The following PPP2R2B variants were observed in gnomAD, a reference collection of about 807,000 sequenced individuals.
The protein encoded by PPP2R2B is serine/threonine-protein phosphatase 2A 55 kDa regulatory subunit B beta isoform.
Under a neutral mutation model 46.0 loss-of-function variants are expected in PPP2R2B, and 5 were observed. The observed-to-expected ratio is 0.11, with a 90% CI of 0.06 to 0.23. PPP2R2B has a LOEUF of 0.23. Ranked by LOEUF, PPP2R2B falls within the 10% of genes least tolerant of loss-of-function variation. The pLI is 1.00. For synonymous variants in PPP2R2B, 215 were observed against 206.7 expected (o/e 1.04, Z -0.34); for missense variants, 367 against 575.0 (o/e 0.64, Z 3.70).
At chr5:146,705,910 T>C (rs1779807303) in intron 2 of PPP2R2B, among the ~76,000 whole-genome samples, 1 of 151,932 alleles carries the variant, frequency 6.6e-6, no homozygotes, top group African/African-American at 2.4e-5. Flanking sequence ...CAAAGTGTTT[T>C]CATTTCAGAA....
intron 8 of PPP2R2B, among the ~76,000 whole-genome samples, chr5:146,596,157 T>C (rs1771150882): frequency 6.6e-6 from 1 of 152,156 alleles, no homozygotes; most frequent in South Asian, 2.1e-4. Flanking sequence ...CTTAATAAAA[T>C]TTACCTACAA....
chr5:146,920,258 A>T (rs1467169036), intron 1 of PPP2R2B, among the ~76,000 whole-genome samples: 2 of 152,198 alleles, frequency 1.3e-5, no homozygotes, highest in Non-Finnish European at 2.9e-5. Context: ...GTTGCATCAT[A>T]GTTGCTCCCG....
chr5:146,799,934 C>T (rs2151304062), intron 2 of PPP2R2B, among the ~76,000 whole-genome samples: 1 of 152,100 alleles, frequency 6.6e-6, no homozygotes, highest in Admixed American at 6.5e-5. Flanking sequence ...CTCCATGGTA[C>T]TTCTCATTAG....
upstream of PPP2R2B, among the ~76,000 whole-genome samples, chr5:146,883,122 TGTCAGACA>T (rs1360782739): frequency 6.6e-6 from 1 of 152,230 alleles, no homozygotes; most frequent in Non-Finnish European, 1.5e-5. Flanking sequence ...AGGCTTTAGG[TGTCAGACA>T]GTCCTGGTTT....
chr5:146,785,267 C>T (rs1755764751), intron 2 of PPP2R2B, among the ~76,000 whole-genome samples: 1 of 152,110 alleles, frequency 6.6e-6, no homozygotes, highest in Non-Finnish European at 1.5e-5. Context: ...AAATAGCTGG[C>T]CAGGCACCGT....
chr5:146,947,730 C>T (rs1442262623), intron 1 of PPP2R2B, among the ~76,000 whole-genome samples: 3 of 151,902 alleles, frequency 2.0e-5, no homozygotes, highest in African/African-American at 4.8e-5. Flanking sequence ...ACCTTTCTCA[C>T]CACTGTCCTT....
intron 2 of PPP2R2B, among the ~76,000 whole-genome samples, chr5:146,776,082 C>T (rs1472318365): frequency 6.6e-6 from 1 of 152,078 alleles, no homozygotes; most frequent in East Asian, 1.9e-4. Flanking sequence ...AAGTGACACA[C>T]AGATTCAATG....
chr5:147,077,901 C>T (rs907332838), intron 2 of PPP2R2B, among the ~76,000 whole-genome samples: 2 of 152,172 alleles, frequency 1.3e-5, no homozygotes, highest in Admixed American at 1.3e-4. Flanking sequence ...CACGTGTATT[C>T]ATAATGATCG....
intron 8 of PPP2R2B, 97 bp from the exon 9 acceptor site, chr5:146,593,159 A>C: frequency 9.6e-7 from 1 of 1,042,662 alleles, no homozygotes; most frequent in Non-Finnish European, 1.5e-6. Flanking sequence ...TAAATCTTTC[A>C]TTGTACATGC....
intron 2 of PPP2R2B, among the ~76,000 whole-genome samples, chr5:146,809,789 A>G (rs924427822): frequency 6.6e-6 from 1 of 152,176 alleles, no homozygotes; most frequent in Non-Finnish European, 1.5e-5. Flanking sequence ...CACTCTAGCT[A>G]AAGTGTGAAG....
At chr5:146,736,435 C>T (rs555845723) in intron 2 of PPP2R2B, among the ~76,000 whole-genome samples, 42 of 152,236 alleles carry the variant, frequency 2.8e-4, no homozygotes, top group African/African-American at 9.6e-4. Context: ...TTATTATTAC[C>T]ATCATTTTAA....
chr5:146,809,082 G>A (rs1240930478), intron 2 of PPP2R2B, among the ~76,000 whole-genome samples: 1 of 151,950 alleles, frequency 6.6e-6, no homozygotes, highest in Admixed American at 6.6e-5. Context: ...GACTTGCCTA[G>A]AAATTATGTA....
intron 4 of PPP2R2B, among the ~76,000 whole-genome samples, chr5:146,691,866 A>G (rs530855732): frequency 6.6e-6 from 1 of 151,636 alleles, no homozygotes; most frequent in African/African-American, 2.4e-5. Flanking sequence ...AAAGTCCTTT[A>G]CCCTCTTTTT....
chr5:146,776,862 A>G (rs1020836747), intron 2 of PPP2R2B, among the ~76,000 whole-genome samples: 1 of 152,142 alleles, frequency 6.6e-6, no homozygotes, highest in Admixed American at 6.5e-5. Flanking sequence ...TTTCTTATAA[A>G]AGATATACAA....
intron 1 of PPP2R2B, among the ~76,000 whole-genome samples, chr5:146,912,863 G>A (rs1763241858): frequency 6.6e-6 from 1 of 152,060 alleles, no homozygotes; most frequent in Non-Finnish European, 1.5e-5. Context: ...CAAACACCAA[G>A]TAAGTCTCTT....
chr5:146,936,869 T>G (rs898804195), intron 1 of PPP2R2B, among the ~76,000 whole-genome samples: 2 of 151,922 alleles, frequency 1.3e-5, no homozygotes, highest in Non-Finnish European at 2.9e-5. Context: ...CCAGGGTTTT[T>G]TTTTTTTTTT....
intron 1 of PPP2R2B, among the ~76,000 whole-genome samples, chr5:147,026,007 TG>T (rs1172094428): frequency 2.0e-5 from 3 of 152,232 alleles, no homozygotes; most frequent in Non-Finnish European, 4.4e-5. Flanking sequence ...GCTGAGGAAC[TG>T]GAACTTTCAT....
At chr5:146,757,124 G>A (rs1461949108) in intron 2 of PPP2R2B, among the ~76,000 whole-genome samples, 1 of 152,092 alleles carries the variant, frequency 6.6e-6, no homozygotes, top group African/African-American at 2.4e-5. Flanking sequence ...TGAAGGAGGA[G>A]AGAGCATGGC....
intron 8 of PPP2R2B, among the ~76,000 whole-genome samples, chr5:146,597,949 C>T (rs563307331): frequency 3.3e-5 from 5 of 152,332 alleles, no homozygotes; most frequent in Admixed American, 2.0e-4. Context: ...TTTGCTCCTT[C>T]AGCGGTCTCT....
Sources: allele counts gnomAD v4.1 joint callset (sites outside exome capture counted in the v4.1 genomes callset), GRCh38; gene constraint gnomAD v4.1.1; transcripts MANE v1.5; gene names NCBI Gene and HGNC (gene_info 2026-07-23, HGNC 2026-07-21).